The following SYBU variants were observed in gnomAD, a reference collection of about 807,000 sequenced individuals.
SYBU encodes syntabulin, also known as GOLSYN A protein.
SYBU carries 21 observed loss-of-function variants against 35.9 expected under a neutral mutation model. The observed-to-expected ratio is 0.58, with a 90% CI of 0.41 to 0.84. The LOEUF (loss-of-function observed/expected upper bound fraction) is 0.84, where lower values mean the gene tolerates loss of function less well. Ranked by LOEUF, SYBU falls within the 40% of genes least tolerant of loss-of-function variation. The pLI is 0.00. For synonymous variants in SYBU, 319 were observed against 324.3 expected, an observed-to-expected ratio of 0.98 and a Z score of 0.18; for missense variants, 768 against 848.2, an observed-to-expected ratio of 0.91 and a Z score of 1.17.
At chr8:109,599,148 T>A (rs1236331645) in intron 3 of SYBU, among the ~76,000 whole-genome samples, 1 of 152,188 alleles carries the variant, frequency 6.6e-6, no homozygotes, top group African/African-American at 2.4e-5. Flanking sequence ...CACTACTCTA[T>A]TCTGTATCCC....
chr8:109,684,874 A>G (rs1014811496), upstream of SYBU, among the ~76,000 whole-genome samples: 1 of 152,134 alleles, frequency 6.6e-6, no homozygotes, highest in Non-Finnish European at 1.5e-5. Context: ...TTTGCCTGCT[A>G]TGAAGAGGGA....
intron 3 of SYBU, chr8:109,607,805 AACTCACACAC>A (rs1826217285): frequency 2.4e-5 from 8 of 332,378 alleles, no homozygotes; most frequent in Non-Finnish European, 3.9e-5. Context: ...TACCACAACT[AACTCACACAC>A]ACACACACAC....
chr8:109,648,452 C>T (rs1372675914), upstream of SYBU, among the ~76,000 whole-genome samples: 1 of 151,648 alleles, frequency 6.6e-6, no homozygotes, highest in African/African-American at 2.4e-5. Flanking sequence ...TTTATATTTT[C>T]AGAACTCTTT....
chr8:109,678,185 T>C (rs1471033083), intron 1 of SYBU, among the ~76,000 whole-genome samples: 5 of 131,582 alleles, frequency 3.8e-5, no homozygotes, highest in African/African-American at 5.6e-5. Context: ...ACATTTAAAG[T>C]AAAAAGAGTA....
At chr8:109,605,810 C>G (rs879599413) in intron 3 of SYBU, among the ~76,000 whole-genome samples, 1 of 152,098 alleles carries the variant, frequency 6.6e-6, no homozygotes, top group Non-Finnish European at 1.5e-5. Context: ...ATTCCCCAAA[C>G]TTTGAATCTA....
intron 6 of SYBU, 99 bp downstream of exon 6, chr8:109,577,769 C>T (rs929937896): frequency 2.3e-6 from 3 of 1,312,708 alleles, no homozygotes; most frequent in African/African-American, 3.0e-5. Flanking sequence ...TGAATACAAT[C>T]ATTTTTTCTT....
chr8:109,639,951 C>A (rs187840665), intron 2 of SYBU, among the ~76,000 whole-genome samples: 231 of 152,226 alleles, frequency 1.5e-3, no homozygotes, highest in African/African-American at 5.3e-3. Flanking sequence ...CACTCAAAAG[C>A]CTTTGTGGGG....
chr8:109,667,374 G>C (rs1230359898), intron 1 of SYBU, among the ~76,000 whole-genome samples: 1 of 152,058 alleles, frequency 6.6e-6, no homozygotes, highest in East Asian at 1.9e-4. Flanking sequence ...GCCTCCTAAA[G>C]TGCTGGGATT....
intron 1 of SYBU, among the ~76,000 whole-genome samples, chr8:109,686,923 T>A (rs1259052070): frequency 6.6e-6 from 1 of 152,202 alleles, no homozygotes; most frequent in Non-Finnish European, 1.5e-5. Flanking sequence ...TCTTATTTTG[T>A]AATCTCTCTC....
rs188752872 is a variant in SYBU, at chr8:109,634,613, A to C, written c.229+8115T>G. ...TTGTTCCTGCCTTCATAGGGTTTAC[A>C]GTCTTGGGGAATCAGGTAACCAAAT... On this transcript the variant is annotated intron_variant, in intron 2 of 6. Coordinates refer to ENST00000276646, the MANE Select transcript of SYBU (RefSeq NM_001099754.2). 1.2e-4 allele frequency among the ~76,000 whole-genome samples: 18 copies of C among 152,324 alleles called. No individual in the cohort carries two copies. In the East Asian group the frequency reaches 1.3e-3, roughly 11 times the overall value.
At chr8:109,594,175 C>A (rs1391200905) in intron 3 of SYBU, among the ~76,000 whole-genome samples, 1 of 151,986 alleles carries the variant, frequency 6.6e-6, no homozygotes, top group Non-Finnish European at 1.5e-5. Flanking sequence ...GGGTGCGGAG[C>A]AGGGGTGTCA....
At chr8:109,677,487 C>A (rs1586994824) in intron 1 of SYBU, among the ~76,000 whole-genome samples, 1 of 152,190 alleles carries the variant, frequency 6.6e-6, no homozygotes, top group Middle Eastern at 3.4e-3. Flanking sequence ...TGAATTAATC[C>A]TCTTTGAAAA....
At chr8:109,581,690 CATCTT>C (rs914364426) in intron 4 of SYBU, among the ~76,000 whole-genome samples, 48 of 152,304 alleles carry the variant, frequency 3.2e-4, no homozygotes, top group African/African-American at 9.6e-4. Context: ...ATCCAACTGA[CATCTT>C]AATGAGAAAT....
intron 2 of SYBU, among the ~76,000 whole-genome samples, chr8:109,634,125 A>C (rs1433650458): frequency 6.6e-6 from 1 of 152,138 alleles, no homozygotes; most frequent in Non-Finnish European, 1.5e-5. Flanking sequence ...AGCACTCCTC[A>C]CTGCTCCCTA....
chr8:109,582,071 T>C (rs1249369034), intron 4 of SYBU, among the ~76,000 whole-genome samples: 2 of 152,182 alleles, frequency 1.3e-5, no homozygotes, highest in African/African-American at 4.8e-5. Flanking sequence ...GACTATTTCT[T>C]AATCTGATTA....
chr8:109,641,237 A>G (rs1814841760), intron 2 of SYBU, among the ~76,000 whole-genome samples: 1 of 152,220 alleles, frequency 6.6e-6, no homozygotes, highest in African/African-American at 2.4e-5. Flanking sequence ...ACCTTCAGGA[A>G]CTATCAAGAG....
upstream of SYBU, among the ~76,000 whole-genome samples, chr8:109,684,179 A>C (rs895498659): frequency 6.6e-6 from 1 of 152,244 alleles, no homozygotes; most frequent in East Asian, 1.9e-4. Flanking sequence ...AGTATGTGGA[A>C]TGTTTTCAGA....
chr8:109,582,520 C>T (rs1320577221), intron 4 of SYBU, among the ~76,000 whole-genome samples: 1 of 152,108 alleles, frequency 6.6e-6, no homozygotes, highest in Non-Finnish European at 1.5e-5. Flanking sequence ...TTCTGCTGAC[C>T]CTGAACCCTT....
upstream of SYBU, chr8:109,648,958 C>G (rs1307877126): frequency 6.7e-6 from 1 of 148,252 alleles, no homozygotes; most frequent in East Asian, 2.0e-4. Context: ...GCCTGTTTTC[C>G]CATAAGAGCA....
Sources: allele counts gnomAD v4.1 joint callset (sites outside exome capture counted in the v4.1 genomes callset), GRCh38; gene constraint gnomAD v4.1.1; transcripts MANE v1.5; gene names NCBI Gene and HGNC (gene_info 2026-07-23, HGNC 2026-07-21).